Variants in SMIM28 observed in about 807,000 individuals in gnomAD.
SMIM28 encodes small integral membrane protein 28.
At position 138,382,426 on chromosome 6, in the gene SMIM28, GAAAGAA is replaced by G. The variant is rs1377305941; in HGVS notation, c.112-70_112-65del. The G allele has an allele frequency of 2.8e-5, 10 of 354,408 alleles. No homozygotes were observed. In the Admixed American group the frequency reaches 3.5e-4, roughly 13 times the overall value. 22.0% of individuals were successfully genotyped at this position (354,408 alleles called of 1,614,324 possible). On this transcript the variant is annotated intron_variant, in intron 1 of 1. Transcript: ENST00000573100. ...AAAAAAAAAAAAAAAAAGAAAGAAA[GAAAGAA>G]AAAAAAAAAAAGAAATGCGAGGCCT...
intron 1 of SMIM28, among the ~76,000 whole-genome samples, chr6:138,381,358 A>G (rs1292933876): frequency 6.6e-6 from 1 of 152,198 alleles, no homozygotes; most frequent in Non-Finnish European, 1.5e-5. Flanking sequence ...AAACTTTTTA[A>G]TACTTCGTTA....
At chr6:138,381,405 A>G (rs562280567) in intron 1 of SMIM28, among the ~76,000 whole-genome samples, 220 of 152,240 alleles carry the variant, frequency 1.4e-3, no homozygotes, top group Non-Finnish European at 2.5e-3. Flanking sequence ...TCTCTGTGCA[A>G]TTAGGAACAG....
intron 1 of SMIM28, among the ~76,000 whole-genome samples, chr6:138,379,150 A>G (rs969171988): frequency 1.3e-5 from 2 of 152,220 alleles, no homozygotes; most frequent in African/African-American, 4.8e-5. Context: ...TAAATAATTA[A>G]ATAAGCAAAT....
At chr6:138,378,514 A>G (rs992087939) in intron 1 of SMIM28, among the ~76,000 whole-genome samples, 1 of 152,226 alleles carries the variant, frequency 6.6e-6, no homozygotes, top group Non-Finnish European at 1.5e-5. Flanking sequence ...CTCTTTGCTC[A>G]GTAAGCAATG....
chr6:138,381,891 T>C (rs1420773855), intron 1 of SMIM28, among the ~76,000 whole-genome samples: 2 of 152,256 alleles, frequency 1.3e-5, no homozygotes, highest in Non-Finnish European at 2.9e-5. Flanking sequence ...CTAAAATTTA[T>C]TTCAATATTT....
intron 1 of SMIM28, among the ~76,000 whole-genome samples, chr6:138,380,117 C>T (rs773836335): frequency 6.6e-6 from 1 of 152,146 alleles, no homozygotes; most frequent in Non-Finnish European, 1.5e-5. Context: ...GCTTTACACA[C>T]TTTAATTCAT....
In SMIM28 at chr6:138,383,159, GA is replaced by G. The variant is rs112738979; in HGVS notation, c.*325del. 16,076 of 145,342 alleles carry G rather than the reference GA, an allele frequency of 0.11. 1,012 individuals carry two copies. The highest frequency in any genetic ancestry group is 0.21 in the African/African-American group (7,817 of 37,764). The allele number at this position is 145,342 out of a possible 1,614,324, so 9.0% of individuals were successfully genotyped here. On this transcript the variant is annotated 3_prime_UTR_variant, in exon 2 of 2. Transcript: ENST00000573100. ...AAAAAAGGAAAGTTCTATGTGAGTT[GA>G]AAAAAAAAAAAACACTTAATTACTA...
At chr6:138,379,294 T>C (rs1376226754) in intron 1 of SMIM28, among the ~76,000 whole-genome samples, 2 of 152,216 alleles carry the variant, frequency 1.3e-5, no homozygotes, top group African/African-American at 2.4e-5. Context: ...CAAATTTAAC[T>C]CAGCCAACGG....
intron 1 of SMIM28, among the ~76,000 whole-genome samples, chr6:138,380,119 T>TTAA (rs1399246101): frequency 6.6e-6 from 1 of 152,186 alleles, no homozygotes; most frequent in Non-Finnish European, 1.5e-5. Context: ...TTTACACACT[T>TTAA]TAATTCATTT....
chr6:138,379,114 AT>A (rs1385819166), intron 1 of SMIM28, among the ~76,000 whole-genome samples: 1 of 152,240 alleles, frequency 6.6e-6, no homozygotes, highest in Non-Finnish European at 1.5e-5. Context: ...TTTAAAAAAA[AT>A]CCAACAATTC....
intron 1 of SMIM28, among the ~76,000 whole-genome samples, chr6:138,381,909 G>A (rs190318065): frequency 1.4e-4 from 21 of 152,242 alleles, no homozygotes; most frequent in African/African-American, 2.6e-4. Context: ...TTTTTACTTC[G>A]TGGAAATTTT....
In SMIM28 at chr6:138,382,816, AGG is replaced by A; in HGVS notation, c.429_430del (p.Glu144GlyfsTer35). 2.5e-6 allele frequency: 1 copy of A among 398,588 alleles called. No homozygotes were observed. Among genetic ancestry groups the A allele is most frequent in the Non-Finnish European group, 4.4e-6 (1 of 226,102 alleles). The allele number at this position is 398,588 out of a possible 1,614,324, so 24.7% of individuals were successfully genotyped here. The stretch of plus-strand genomic sequence containing the variant: ...GAGGCCACCAGAAATCCTCCTGGGG[AGG>A]AGGCCCAGGGATGCAGTCCTTCAGT... On this transcript the variant is annotated frameshift_variant, in exon 2 of 2. Transcript: ENST00000573100. LOFTEE classifies it low-confidence loss of function (END_TRUNC).
chr6:138,381,974 T>C (rs1181191478), intron 1 of SMIM28, among the ~76,000 whole-genome samples: 4 of 152,242 alleles, frequency 2.6e-5, no homozygotes, highest in Admixed American at 6.5e-5. Context: ...ATTCACACTT[T>C]ATTGTGTAAA....
In SMIM28 at chr6:138,382,551, A is replaced by T. The variant is rs1340381098; in HGVS notation, c.163A>T (p.Ile55Phe). ...GGAGGATGTGGAGCCCTTCCTGTGC[A>T]TCCTTCTGCCGGCCACCATCCTGCT... ...TQEDVEPFLC[I>F]LLPATILLFL... The change falls in exon 2 of 2, where the codon ATC becomes TTC. Residue 55 changes from isoleucine to phenylalanine, a missense_variant. By Grantham distance (21) the Ile-to-Phe change is conservative. Coordinates refer to ENST00000573100, the MANE Select transcript of SMIM28 (RefSeq NM_001368163.3). 5.0e-6 allele frequency: 2 copies of T among 398,232 alleles called. No homozygotes were observed. Among genetic ancestry groups the T allele is most frequent in the Non-Finnish European group, 8.8e-6 (2 of 226,300 alleles). 24.7% of individuals were successfully genotyped at this position (398,232 alleles called of 1,614,324 possible).
chr6:138,383,002 G>A lies in SMIM28; in HGVS notation c.*155G>A. 2.5e-6 allele frequency: 1 copy of A among 395,014 alleles called. No individual in the cohort carries two copies. The highest frequency in any genetic ancestry group is 3.6e-5 in the East Asian group (1 of 27,896). 24.5% of individuals were successfully genotyped at this position (395,014 alleles called of 1,614,324 possible). ...TTCATTGGCCAACCTCTGACAATGG[G>A]GCACTTCAGGCTGAGGGCAAAGCTT... On this transcript the variant is annotated 3_prime_UTR_variant, in exon 2 of 2. Transcript: ENST00000573100.
intron 1 of SMIM28, among the ~76,000 whole-genome samples, chr6:138,379,337 C>T (rs918714337): frequency 1.3e-5 from 2 of 152,166 alleles, no homozygotes; most frequent in African/African-American, 4.8e-5. Context: ...TGTGGTATTT[C>T]TCCTTTCTCA....
rs1243335499 is a variant in SMIM28 at position 138,382,548 on chromosome 6, T to G, written c.160T>G (p.Cys54Gly). 1 of 398,488 alleles carries G rather than the reference T, an allele frequency of 2.5e-6. No homozygotes were observed. Among genetic ancestry groups the G allele is most frequent in the Non-Finnish European group, 4.4e-6 (1 of 226,248 alleles). 24.7% of individuals were successfully genotyped at this position (398,488 alleles called of 1,614,324 possible). The stretch of plus-strand genomic sequence containing the variant: ...CCAGGAGGATGTGGAGCCCTTCCTG[T>G]GCATCCTTCTGCCGGCCACCATCCT... ...STQEDVEPFLCILLPATILLF... is the reference protein window; with the variant it reads ...STQEDVEPFLGILLPATILLF... Residue 54 changes from cysteine (C) to glycine (G), a missense_variant, in exon 2 of 2, where the codon TGC becomes GGC. Physicochemically the swap from Cys to Gly is radical, Grantham distance 159. Coordinates refer to ENST00000573100, the MANE Select transcript of SMIM28 (RefSeq NM_001368163.3).
At position 138,378,098 on chromosome 6, in the gene SMIM28, G is replaced by A. The variant is rs1057149237; in HGVS notation, c.26G>A (p.Trp9Ter). The part of the protein sequence containing the change: MRGLLGSS[W>*]KKFGHAGRGT... ...ATGCGGGGACTGCTGGGCAGCAGCT[G>A]GAAGAAGTTTGGACATGCTGGCCGG... The change falls in exon 1 of 2, where the codon TGG becomes TAG. Residue 9 changes from tryptophan (W) to a stop codon, truncating the protein, a stop_gained. Coordinates refer to ENST00000573100, the MANE Select transcript of SMIM28 (RefSeq NM_001368163.3). LOFTEE classifies it high-confidence loss of function. The A allele has an allele frequency of 7.5e-6, 3 of 398,648 alleles. No individual in the cohort carries two copies. The highest frequency in any genetic ancestry group is 2.1e-5 in the African/African-American group (1 of 48,634). The allele number at this position is 398,648 out of a possible 1,614,324, so 24.7% of individuals were successfully genotyped here. A position where few individuals can be genotyped will look rare whatever the true frequency, so the allele number is the denominator to read the frequency against.
chr6:138,380,876 C>T (rs1004977094), intron 1 of SMIM28, among the ~76,000 whole-genome samples: 4 of 152,002 alleles, frequency 2.6e-5, no homozygotes, highest in Admixed American at 1.3e-4. Flanking sequence ...TGAACCTCAT[C>T]TCTCATAGTT....
Sources: gnomAD v4.1 joint callset for allele counts (sites outside exome capture counted in the v4.1 genomes callset) on GRCh38, gnomAD v4.1.1 for gene constraint, MANE v1.5 for transcripts, NCBI Gene and HGNC (gene_info 2026-07-23, HGNC 2026-07-21) for gene names.